Variants in GALNT9 observed in about 807,000 individuals in gnomAD.
GALNT9 encodes polypeptide N-acetylgalactosaminyltransferase 9.
Under a neutral mutation model 63.1 loss-of-function variants are expected in GALNT9, and 47 were observed. The ratio of observed to expected loss-of-function variants is 0.75; its 90% CI spans 0.59 to 0.95. GALNT9 has a LOEUF of 0.95. Ranked by LOEUF, GALNT9 falls within the 40% of genes least tolerant of loss-of-function variation. The probability of loss-of-function intolerance (pLI) is 0.00; values close to 1 mark genes in which losing one functional copy is unlikely to be tolerated. For synonymous variants in GALNT9, 396 were observed against 365.7 expected (o/e 1.08, Z -0.94); for missense variants, 829 against 874.8 (o/e 0.95, Z 0.66).
intron 6 of GALNT9, among the ~76,000 whole-genome samples, chr12:132,243,264 C>G (rs868935704): frequency 9.3e-5 from 11 of 118,554 alleles, no homozygotes; most frequent in African/African-American, 2.4e-4. Context: ...CTCCCTATAC[C>G]CATTACACAC....
At chr12:132,260,347 G>C (rs1478557274) in intron 4 of GALNT9, among the ~76,000 whole-genome samples, 4 of 152,170 alleles carry the variant, frequency 2.6e-5, no homozygotes, top group Non-Finnish European at 5.9e-5. Flanking sequence ...CCTCCAGAAC[G>C]GTGAGGAGGT....
chr12:132,304,818 C>T (rs1555244420), intron 1 of GALNT9, among the ~76,000 whole-genome samples: 2 of 69,536 alleles, frequency 2.9e-5, no homozygotes, highest in African/African-American at 1.3e-4. Context: ...GGCACACCCT[C>T]GCCCGGGCAC....
chr12:132,323,400 A>G (rs1868890042), intron 1 of GALNT9, among the ~76,000 whole-genome samples: 1 of 152,176 alleles, frequency 6.6e-6, no homozygotes, highest in South Asian at 2.1e-4. Flanking sequence ...CCCCAAGGGA[A>G]GTGGCTGACA....
chr12:132,213,159 T>G (rs573198840), intron 6 of GALNT9, among the ~76,000 whole-genome samples: 1 of 19,488 alleles, frequency 5.1e-5, no homozygotes, highest in African/African-American at 1.9e-4. Context: ...CCCTCAGACC[T>G]CGACACGGAA....
intron 7 of GALNT9, among the ~76,000 whole-genome samples, chr12:132,202,330 C>G (rs1593463481): frequency 6.6e-6 from 1 of 152,178 alleles, no homozygotes; most frequent in Non-Finnish European, 1.5e-5. Context: ...TGTAGGAGCA[C>G]CGGGTACCCT....
intron 1 of GALNT9, among the ~76,000 whole-genome samples, chr12:132,295,845 G>C (rs1032158966): frequency 6.8e-6 from 1 of 146,582 alleles, no homozygotes; most frequent in East Asian, 2.0e-4. Flanking sequence ...GAGAGCCTCC[G>C]AACAGGGACG....
chr12:132,203,009 C>T lies in GALNT9; in HGVS notation c.1263+496G>A, dbSNP rs532558349. 2.6e-3 allele frequency among the ~76,000 whole-genome samples: 395 copies of T among 152,258 alleles called. 1 individual carries two copies. The highest frequency in any genetic ancestry group is 4.6e-3 in the Non-Finnish European group (310 of 68,020). ...ACGAGGGGCCCTTTCACACTGTGGA[C>T]GTGACTCAGCCATGGTGGGGGTGAC... On this transcript the variant is annotated intron_variant, in intron 7 of 10. Coordinates refer to ENST00000328957, the MANE Select transcript of GALNT9 (RefSeq NM_001122636.2).
intron 8 of GALNT9, 100 bp downstream of exon 8, chr12:132,201,020 CCGTG>C (rs1876039002): frequency 1.1e-5 from 13 of 1,154,152 alleles, no homozygotes; most frequent in South Asian, 3.1e-5. Context: ...CGCTACCTCT[CCGTG>C]TGCATGTGGA....
intron 5 of GALNT9, 25 bp downstream of exon 5, chr12:132,257,664 C>T: frequency 1.3e-6 from 2 of 1,532,674 alleles, no homozygotes; most frequent in East Asian, 2.5e-5. Context: ...CAGGGCCGCC[C>T]TCGACCCCTG....
chr12:132,215,521 C>A (rs1322255307), intron 6 of GALNT9, among the ~76,000 whole-genome samples: 1 of 152,250 alleles, frequency 6.6e-6, no homozygotes, highest in Non-Finnish European at 1.5e-5. Context: ...AGAGCGCTGC[C>A]ATGCCAGGGC....
Position 132,241,617 on chromosome 12 carries a change from ACC to A in GALNT9, c.1077+6291_1077+6292del, listed in dbSNP as rs1215323435. On this transcript the variant is annotated intron_variant, in intron 6 of 10. Transcript: ENST00000328957. Reference sequence around the variant, plus strand: ...CCTATACCCATTACACACACAACACACCCCCTTCCCGGGGCCCTCCCTATACC... The same window carrying A: ...CCTATACCCATTACACACACAACACACCCTTCCCGGGGCCCTCCCTATACC... Among the ~76,000 whole-genome samples, 10 of 32,456 alleles carry A rather than the reference ACC, an allele frequency of 3.1e-4. 1 individual carries two copies. The highest frequency in any genetic ancestry group is 1.1e-3 in the African/African-American group (8 of 7,384). 21.3% of individuals were successfully genotyped at this position (32,456 alleles called of 152,430 possible).
Position 132,238,871 on chromosome 12 carries a change from C to T in GALNT9, c.1077+9039G>A, listed in dbSNP as rs1555236579. On this transcript the variant is annotated intron_variant, in intron 6 of 10. Coordinates refer to ENST00000328957, the MANE Select transcript of GALNT9 (RefSeq NM_001122636.2). The surrounding 1 kb of genome is among the most constrained non-coding windows in gnomAD (Gnocchi z 6.5). Reference sequence around the variant, plus strand: ...TTTAACAGGAAACTCTTTATCACTGCCTTAGGAGAGGACCATTATCTCTTG... The same window carrying T: ...TTTAACAGGAAACTCTTTATCACTGTCTTAGGAGAGGACCATTATCTCTTG... Among the ~76,000 whole-genome samples the T allele has an allele frequency of 6.6e-6, 1 of 152,136 alleles. No individual in the cohort carries two copies. Among genetic ancestry groups the T allele is most frequent in the Non-Finnish European group, 1.5e-5 (1 of 68,020 alleles).
chr12:132,267,773 A>G (rs1392192398), intron 2 of GALNT9, among the ~76,000 whole-genome samples: 1 of 117,320 alleles, frequency 8.5e-6, no homozygotes, highest in Non-Finnish European at 1.8e-5. Flanking sequence ...ACATGCACTC[A>G]CACACACGCA....
chr12:132,231,223 G>A (rs1221159185), intron 6 of GALNT9, among the ~76,000 whole-genome samples: 2 of 59,648 alleles, frequency 3.4e-5, no homozygotes, highest in Non-Finnish European at 2.9e-5. Context: ...CCACACACTC[G>A]ATGGGGCGAC....
intron 1 of GALNT9, among the ~76,000 whole-genome samples, chr12:132,299,481 G>C (rs1331140843): frequency 1.1e-4 from 13 of 115,798 alleles, no homozygotes; most frequent in African/African-American, 3.4e-4. Flanking sequence ...AGATGACCAA[G>C]CCACTCCTGA....
intron 6 of GALNT9, among the ~76,000 whole-genome samples, chr12:132,224,617 C>T (rs1257655684): frequency 7.4e-6 from 1 of 135,132 alleles, no homozygotes; most frequent in Non-Finnish European, 1.5e-5. Flanking sequence ...ACATACACCC[C>T]ATACACCCCA....
chr12:132,260,280 G>A (rs973448324), intron 4 of GALNT9, among the ~76,000 whole-genome samples: 3 of 152,068 alleles, frequency 2.0e-5, no homozygotes, highest in East Asian at 3.9e-4. Flanking sequence ...GGGGAAACTC[G>A]GCCCTGCCCA....
At position 132,315,254 on chromosome 12, in the gene GALNT9, GCGGCCTCCCCTGTGTC is replaced by G. The variant is rs1868450121; in HGVS notation, c.238+13696_238+13711del. On this transcript the variant is annotated intron_variant, in intron 1 of 10. Transcript: ENST00000328957. This position sits in a 1 kb window ranked among gnomAD's most constrained non-coding sequence, Gnocchi z 6.1. The stretch of plus-strand genomic sequence containing the variant: ...GCTGGAGCCTCAGAATATAATCAGG[GCGGCCTCCCCTGTGTC>G]CACTGCAAAGTGCTCGAGCCTCAGA... Among the ~76,000 whole-genome samples the G allele has an allele frequency of 7.6e-5, 10 of 132,448 alleles. No individual in the cohort carries two copies. The highest frequency in any genetic ancestry group is 1.7e-4 in the Non-Finnish European group (10 of 57,184). The allele number at this position is 132,448 out of a possible 152,430, so 86.9% of individuals were successfully genotyped here. A position where few individuals can be genotyped will look rare whatever the true frequency, so the allele number is the denominator to read the frequency against.
intron 1 of GALNT9, among the ~76,000 whole-genome samples, chr12:132,328,104 G>A (rs1555246647): frequency 1.3e-5 from 2 of 152,186 alleles, no homozygotes; most frequent in Admixed American, 6.5e-5. Flanking sequence ...CTGGCGCCCC[G>A]GTGCAGAGTG....
Sources: allele counts gnomAD v4.1 joint callset (sites outside exome capture counted in the v4.1 genomes callset), GRCh38; gene constraint gnomAD v4.1.1; non-coding constraint Gnocchi (gnomAD v3.1); transcripts MANE v1.5; gene names NCBI Gene and HGNC (gene_info 2026-07-23, HGNC 2026-07-21).